The following DNAH14 variants were observed in gnomAD, a reference collection of about 807,000 sequenced individuals.
DNAH14 encodes the protein axonemal beta dynein heavy chain 14.
DNAH14 carries 478 observed loss-of-function variants against 520.9 expected under a neutral mutation model. That is an observed-to-expected ratio of 0.92 (90% confidence interval 0.85 to 0.99). DNAH14 has a LOEUF of 0.99. Ranked by LOEUF, DNAH14 falls within the 50% of genes least tolerant of loss-of-function variation. The probability of loss-of-function intolerance (pLI) is 0.00; values close to 1 mark genes in which losing one functional copy is unlikely to be tolerated. For missense variants in DNAH14, 4,831 were observed against 5,234.5 expected (o/e 0.92, Z 2.38); for synonymous variants, 1,581 against 1,757.2 (o/e 0.90, Z 2.51).
At chr1:225,309,444 G>A (rs775023148) in intron 60 of DNAH14, among the ~76,000 whole-genome samples, 6 of 152,158 alleles carry the variant, frequency 3.9e-5, no homozygotes, top group African/African-American at 7.2e-5. Flanking sequence ...GCTTCCTCGT[G>A]TCCTCAGTGT....
At chr1:225,359,778 A>G (rs147507308) in intron 74 of DNAH14, among the ~76,000 whole-genome samples, 38 of 152,370 alleles carry the variant, frequency 2.5e-4, no homozygotes, top group African/African-American at 9.1e-4. Context: ...GAAGCAAGGA[A>G]GAAAGGCACA....
Position 225,002,930 on chromosome 1 carries a change from G to A in DNAH14, c.975+3G>A. On this transcript the variant is annotated splice_donor_region_variant and intron_variant, in intron 9 of 85. Coordinates refer to ENST00000682510, the MANE Select transcript of DNAH14 (RefSeq NM_001367479.1). ...TATCTGCCATATGCCTTGTAAAGGT[G>A]AGTAGAAGTATACTACTATAAGCTA... The A allele has an allele frequency of 1.3e-6, 2 of 1,541,522 alleles. No homozygotes were observed. The highest frequency in any genetic ancestry group is 1.8e-6 in the Non-Finnish European group (2 of 1,142,610).
chr1:225,345,866 A>G, intron 69 of DNAH14, 96 bp from the exon 70 acceptor site: 2 of 1,004,122 alleles, frequency 2.0e-6, no homozygotes, highest in Non-Finnish European at 1.4e-6. Flanking sequence ...TAAGAAGCCA[A>G]CAGTACAAAC....
At chr1:224,992,418 T>C (rs2063120490) in intron 8 of DNAH14, among the ~76,000 whole-genome samples, 1 of 152,178 alleles carries the variant, frequency 6.6e-6, no homozygotes, top group Non-Finnish European at 1.5e-5. Context: ...GTTTTCAGTG[T>C]ATAGGTCTTT....
intron 26 of DNAH14, among the ~76,000 whole-genome samples, chr1:225,119,974 G>A (rs909957561): frequency 1.3e-5 from 2 of 152,118 alleles, no homozygotes; most frequent in African/African-American, 4.8e-5. Flanking sequence ...TTCAATTCTT[G>A]TAACCACCCA....
At chr1:225,245,072 A>C (rs1296692996) in intron 43 of DNAH14, among the ~76,000 whole-genome samples, 2 of 152,112 alleles carry the variant, frequency 1.3e-5, no homozygotes, top group Admixed American at 1.3e-4. Flanking sequence ...GGTTTCAAAA[A>C]ATTTATTTAT....
chr1:225,214,080 C>A (rs1574038269), intron 41 of DNAH14, among the ~76,000 whole-genome samples: 1 of 152,134 alleles, frequency 6.6e-6, no homozygotes, highest in South Asian at 2.1e-4. Context: ...GAGATACATC[C>A]CGTCAATACC....
chr1:225,023,286 A>G (rs778109054), intron 10 of DNAH14, among the ~76,000 whole-genome samples: 3 of 152,032 alleles, frequency 2.0e-5, no homozygotes, highest in Non-Finnish European at 4.4e-5. Flanking sequence ...AACAAAACGA[A>G]CAAGTAAAAA....
At chr1:224,946,448 C>T (rs937739493) in intron 1 of DNAH14, among the ~76,000 whole-genome samples, 8 of 151,960 alleles carry the variant, frequency 5.3e-5, no homozygotes, top group South Asian at 2.1e-4. Flanking sequence ...TCCCTTGCTT[C>T]GGCTCACGCT....
chr1:225,017,067 TTAC>T, intron 10 of DNAH14, among the ~76,000 whole-genome samples: 1 of 152,268 alleles, frequency 6.6e-6, no homozygotes, highest in East Asian at 1.9e-4. Context: ...CTGGGGCCTG[TTAC>T]TACAGTATTA....
chr1:225,232,862 A>T lies in DNAH14; in HGVS notation c.6518+1711A>T, dbSNP rs918387967. ...ATGTGCAGGTTTGTTACATAGGTAAATGTGTGCCATGGTGGTTTGCTGCAC... is the reference window on the plus strand; with the variant it reads ...ATGTGCAGGTTTGTTACATAGGTAATTGTGTGCCATGGTGGTTTGCTGCAC... On this transcript the variant is annotated intron_variant, in intron 42 of 85. Coordinates refer to ENST00000682510, the MANE Select transcript of DNAH14 (RefSeq NM_001367479.1). The surrounding 1 kb of genome is among the most constrained non-coding windows in gnomAD (Gnocchi z 4.2). Among the ~76,000 whole-genome samples the T allele has an allele frequency of 3.3e-5, 5 of 152,158 alleles. No individual in the cohort carries two copies. The highest frequency in any genetic ancestry group is 5.9e-5 in the Non-Finnish European group (4 of 68,036).
At chr1:225,017,061 G>C (rs1196788353) in intron 10 of DNAH14, among the ~76,000 whole-genome samples, 1 of 151,632 alleles carries the variant, frequency 6.6e-6, no homozygotes, top group Non-Finnish European at 1.5e-5. Flanking sequence ...TTATGACTGG[G>C]GCCTGTTACT....
chr1:225,231,319 A>G lies in DNAH14; in HGVS notation c.6518+168A>G, dbSNP rs183989546. On this transcript the variant is annotated intron_variant, in intron 42 of 85. Transcript: ENST00000682510. ...TTAGAGTTCTTTGTATAGCTAATAT[A>G]AGATCACCAGATTTATGCTGCATTT... 2.0e-5 allele frequency among the ~76,000 whole-genome samples: 3 copies of G among 151,786 alleles called. No individual in the cohort carries two copies. In the East Asian group the frequency reaches 5.8e-4, roughly 29 times the overall value.
intron 1 of DNAH14, among the ~76,000 whole-genome samples, chr1:224,949,752 T>A (rs1484257764): frequency 3.9e-5 from 6 of 152,182 alleles, no homozygotes; most frequent in Non-Finnish European, 8.8e-5. Context: ...CATTATTATA[T>A]TTCTTCAAGA....
chr1:225,372,280 T>C (rs2095628055), intron 77 of DNAH14, among the ~76,000 whole-genome samples: 1 of 152,116 alleles, frequency 6.6e-6, no homozygotes. Flanking sequence ...AAGCTAGGAA[T>C]GTACAAAAAA....
intron 73 of DNAH14, 111 bp from the exon 74 acceptor site, chr1:225,358,385 G>A (rs1315376327): frequency 3.0e-6 from 3 of 987,496 alleles, no homozygotes; most frequent in African/African-American, 3.3e-5. Context: ...GGAAAACTCT[G>A]GCTGAAAAGC....
intron 58 of DNAH14, 49 bp from the exon 59 acceptor site, chr1:225,307,412 C>T: frequency 1.6e-6 from 2 of 1,252,998 alleles, no homozygotes; most frequent in Non-Finnish European, 1.1e-6. Context: ...ATTATATTTG[C>T]TAAATTGTGT....
intron 48 of DNAH14, 75 bp downstream of exon 48, chr1:225,265,444 TC>T (rs1314354359): frequency 7.9e-7 from 1 of 1,267,544 alleles, no homozygotes; most frequent in Admixed American, 3.7e-5. Context: ...TTAATACTAA[TC>T]AGAAGAAAAA....
Position 225,206,003 on chromosome 1 carries a change from C to T in DNAH14, c.6010C>T (p.Pro2004Ser). 6.4e-7 allele frequency: 1 copy of T among 1,551,406 alleles called. No homozygotes were observed. The highest frequency in any genetic ancestry group is 8.7e-7 in the Non-Finnish European group (1 of 1,146,822). ...TTGGCAGTGGATTATCCTAGATGGC[C>T]CAGTGGACACCTTTTGGGTAGAAAA... is the stretch of plus-strand genomic sequence containing the variant. ...FDWQWIILDG[P>S]VDTFWVENLN... The change falls in exon 40 of 86, where the codon CCA (proline) becomes TCA (serine). Residue 2004 changes from proline (P) to serine (S), a missense_variant. By Grantham distance (74) the Pro-to-Ser change is moderately conservative. Coordinates refer to ENST00000682510, the MANE Select transcript of DNAH14 (RefSeq NM_001367479.1).
Sources: gnomAD v4.1 joint callset for allele counts (sites outside exome capture counted in the v4.1 genomes callset) on GRCh38, gnomAD v4.1.1 for gene constraint, Gnocchi (gnomAD v3.1) non-coding constraint, MANE v1.5 for transcripts, NCBI Gene and HGNC (gene_info 2026-07-23, HGNC 2026-07-21) for gene names.